Variants in NTPCR observed in about 807,000 individuals in gnomAD.
NTPCR encodes the protein nucleoside-triphosphatase, cancer-related, also known as cancer-related nucleoside-triphosphatase.
In NTPCR, 15 loss-of-function variants were observed where a neutral mutation model predicts 19.5. That is an observed-to-expected ratio of 0.77 (90% CI 0.51 to 1.18). The LOEUF is 1.18. Ranked by LOEUF, NTPCR falls within the 50% of genes most tolerant of loss-of-function variation. The probability of loss-of-function intolerance (pLI) is 0.00; values close to 1 mark genes in which losing one functional copy is unlikely to be tolerated. For synonymous variants in NTPCR, 90 were observed against 95.8 expected (o/e 0.94, Z 0.36); for missense variants, 206 against 240.4 (o/e 0.86, Z 0.95).
chr1:232,955,437 A>T (rs943264830), intron 1 of NTPCR, 120 bp from the exon 2 acceptor site: 1 of 688,908 alleles, frequency 1.5e-6, no homozygotes, highest in African/African-American at 1.9e-5. Flanking sequence ...ATCCATTTAC[A>T]GCCCATTTCT....
At chr1:232,972,049 G>A (rs1339229236) in intron 4 of NTPCR, among the ~76,000 whole-genome samples, 1 of 152,214 alleles carries the variant, frequency 6.6e-6, no homozygotes, top group Non-Finnish European at 1.5e-5. Flanking sequence ...ACAGTCCTAA[G>A]GAAGGATTGA....
At chr1:232,966,743 G>A (rs887084579) in intron 3 of NTPCR, 2 of 152,178 alleles carry the variant, frequency 1.3e-5, no homozygotes, top group South Asian at 2.1e-4. Context: ...CTAAAAGTGC[G>A]CTTCATGGCT....
At chr1:232,958,787 A>C (rs1035106504) in intron 3 of NTPCR, among the ~76,000 whole-genome samples, 1 of 152,202 alleles carries the variant, frequency 6.6e-6, no homozygotes, top group Admixed American at 6.5e-5. Flanking sequence ...GTCAAGTGAA[A>C]TACTTCAAAT....
At chr1:232,967,372 A>C (rs1668850589) in intron 3 of NTPCR, 1 of 152,228 alleles carries the variant, frequency 6.6e-6, no homozygotes, top group Non-Finnish European at 1.5e-5. Flanking sequence ...TAAAAATCAC[A>C]GATTTATTTT....
chr1:232,972,344 C>T (rs1198970700), intron 4 of NTPCR, among the ~76,000 whole-genome samples: 3 of 152,064 alleles, frequency 2.0e-5, no homozygotes. Flanking sequence ...CAGAGTCTTG[C>T]TCTGTTGCCC....
intron 4 of NTPCR, chr1:232,976,449 C>T (rs1416350778): frequency 6.4e-7 from 1 of 1,550,648 alleles, no homozygotes; most frequent in Admixed American, 2.0e-5. Flanking sequence ...CACTGCTGAA[C>T]TCAGAGTGGA....
intron 1 of NTPCR, 44 bp from the exon 2 acceptor site, chr1:232,955,513 C>T (rs1668483839): frequency 6.8e-7 from 1 of 1,471,574 alleles, no homozygotes; most frequent in Non-Finnish European, 9.0e-7. Flanking sequence ...GGGAATGTTT[C>T]CTAATGGGCT....
intron 3 of NTPCR, among the ~76,000 whole-genome samples, chr1:232,957,268 C>T (rs1365822584): frequency 6.6e-6 from 1 of 151,946 alleles, no homozygotes; most frequent in Non-Finnish European, 1.5e-5. Flanking sequence ...GTGAATGATT[C>T]GTATTAATTT....
intron 4 of NTPCR, among the ~76,000 whole-genome samples, chr1:232,972,152 G>T (rs1317847154): frequency 6.6e-6 from 1 of 152,122 alleles, no homozygotes; most frequent in Non-Finnish European, 1.5e-5. Context: ...TATTCTCCAG[G>T]CAAGATAATC....
intron 3 of NTPCR, among the ~76,000 whole-genome samples, chr1:232,957,274 A>C (rs1668538246): frequency 6.6e-6 from 1 of 152,070 alleles, no homozygotes; most frequent in Admixed American, 6.5e-5. Context: ...GATTCGTATT[A>C]ATTTTTCTTT....
chr1:232,952,186 A>G (rs762153718), intron 1 of NTPCR, among the ~76,000 whole-genome samples: 1 of 152,178 alleles, frequency 6.6e-6, no homozygotes, highest in Non-Finnish European at 1.5e-5. Context: ...ACAGAGCCAC[A>G]TAGTAATCTA....
At chr1:232,974,447 T>C (rs566583457) in intron 4 of NTPCR, among the ~76,000 whole-genome samples, 1 of 152,312 alleles carries the variant, frequency 6.6e-6, no homozygotes, top group South Asian at 2.1e-4. Context: ...GTGAGTGTAG[T>C]GGGCTTTTCT....
intron 1 of NTPCR, among the ~76,000 whole-genome samples, chr1:232,953,397 A>T (rs780591097): frequency 3.3e-5 from 5 of 152,202 alleles, no homozygotes; most frequent in Non-Finnish European, 5.9e-5. Flanking sequence ...AGAAAAAATT[A>T]ACTGAAAGAA....
intron 4 of NTPCR, chr1:232,976,273 G>T: frequency 7.1e-7 from 1 of 1,411,946 alleles, no homozygotes; most frequent in South Asian, 1.6e-5. Context: ...CATTTTTGTG[G>T]TGATGACATT....
At chr1:232,962,391 AG>A (rs1228210757) in intron 3 of NTPCR, 1 of 152,044 alleles carries the variant, frequency 6.6e-6, no homozygotes, top group Non-Finnish European at 1.5e-5. Flanking sequence ...TTTATTGGTG[AG>A]GTTATTCATA....
At chr1:232,975,156 G>C (rs533453103) in intron 4 of NTPCR, among the ~76,000 whole-genome samples, 1 of 152,198 alleles carries the variant, frequency 6.6e-6, no homozygotes, top group Non-Finnish European at 1.5e-5. Flanking sequence ...TTAGACCTTG[G>C]GGTGCACATG....
In NTPCR at chr1:232,980,561, T is replaced by C. The variant is rs1297047129; in HGVS notation, c.*2330T>C. On this transcript the variant is annotated 3_prime_UTR_variant, in exon 5 of 5. Transcript: ENST00000366628. ...GTGAGGTCCTGAAATGATTGTTGTA[T>C]TAGTCAAACAGAATGATCATGGAGC... The C allele has an allele frequency of 6.6e-6, 1 of 152,232 alleles. No homozygotes were observed. Among genetic ancestry groups the C allele is most frequent in the African/African-American group, 2.4e-5 (1 of 41,450 alleles). 9.4% of individuals were successfully genotyped at this position (152,232 alleles called of 1,614,324 possible).
chr1:232,960,725 A>G (rs1450646770), intron 3 of NTPCR, among the ~76,000 whole-genome samples: 1 of 152,110 alleles, frequency 6.6e-6, no homozygotes, highest in Non-Finnish European at 1.5e-5. Flanking sequence ...GTGTGTGGTA[A>G]GTGTTCTAGA....
chr1:232,977,944 T>C (rs576681802), intron 4 of NTPCR, among the ~76,000 whole-genome samples: 1 of 152,316 alleles, frequency 6.6e-6, no homozygotes, highest in East Asian at 1.9e-4. Flanking sequence ...AAACCCACTT[T>C]GACTTTTTGA....
Sources: allele counts gnomAD v4.1 joint callset (sites outside exome capture counted in the v4.1 genomes callset), GRCh38; gene constraint gnomAD v4.1.1; transcripts MANE v1.5; gene names NCBI Gene and HGNC (gene_info 2026-07-23, HGNC 2026-07-21).